Variants in CNTNAP2 observed in about 807,000 individuals in gnomAD.
CNTNAP2 encodes the protein contactin-associated protein-like 2.
CNTNAP2 carries 98 observed loss-of-function variants against 155.2 expected under a neutral mutation model. The ratio of observed to expected loss-of-function variants is 0.63; its 90% CI spans 0.54 to 0.75. The LOEUF is 0.75. Among genes scored for constraint, CNTNAP2 ranks in the 30% least tolerant of loss-of-function variants. The probability of loss-of-function intolerance (pLI) is 0.00; values close to 1 mark genes in which losing one functional copy is unlikely to be tolerated. For missense variants in CNTNAP2, 1,727 were observed against 1,688.1 expected (o/e 1.02, Z -0.40); for synonymous variants, 651 against 631.2 (o/e 1.03, Z -0.47).
intron 1 of CNTNAP2, among the ~76,000 whole-genome samples, chr7:146,219,161 C>G (rs1799165555): frequency 6.6e-6 from 1 of 152,104 alleles, no homozygotes; most frequent in Non-Finnish European, 1.5e-5. Context: ...AGAAGTCACT[C>G]ACTATCATGA....
chr7:148,361,805 C>T (rs558161932), intron 21 of CNTNAP2, among the ~76,000 whole-genome samples: 1 of 152,284 alleles, frequency 6.6e-6, no homozygotes, highest in African/African-American at 2.4e-5. Flanking sequence ...GGGGAGTCCT[C>T]AGGAAACATA....
intron 4 of CNTNAP2, among the ~76,000 whole-genome samples, chr7:147,085,318 C>A (rs766241602): frequency 6.6e-6 from 1 of 152,140 alleles, no homozygotes; most frequent in Non-Finnish European, 1.5e-5. Flanking sequence ...GGAACCCGGC[C>A]ACAGCATCAG....
intron 3 of CNTNAP2, among the ~76,000 whole-genome samples, chr7:146,933,416 A>T (rs1796828271): frequency 6.6e-6 from 1 of 151,412 alleles, no homozygotes; most frequent in Non-Finnish European, 1.5e-5. Flanking sequence ...ACCCTTCCTT[A>T]TACCTTATAC....
chr7:147,240,962 G>A (rs1244030360), intron 8 of CNTNAP2, among the ~76,000 whole-genome samples: 1 of 152,246 alleles, frequency 6.6e-6, no homozygotes. Flanking sequence ...AGTGTCATCT[G>A]TTTTCTCGAT....
chr7:147,310,414 A>G (rs1427718523), intron 9 of CNTNAP2, among the ~76,000 whole-genome samples: 1 of 152,192 alleles, frequency 6.6e-6, no homozygotes, highest in African/African-American at 2.4e-5. Context: ...TGATTAGCCT[A>G]AAAGAACATC....
chr7:147,445,152 C>G (rs940304602), intron 10 of CNTNAP2, among the ~76,000 whole-genome samples: 1 of 152,152 alleles, frequency 6.6e-6, no homozygotes, highest in Non-Finnish European at 1.5e-5. Flanking sequence ...GACACAAAGT[C>G]AAACCATATC....
At chr7:147,101,474 A>C (rs35004924) in intron 4 of CNTNAP2, among the ~76,000 whole-genome samples, 29,473 of 152,054 alleles carry the variant, frequency 0.19, 3,877 homozygotes, top group Non-Finnish European at 0.29. Flanking sequence ...CCATCTGTGG[A>C]TGGTTAAGTG....
chr7:146,448,210 A>G (rs1796429146), intron 1 of CNTNAP2, among the ~76,000 whole-genome samples: 2 of 152,022 alleles, frequency 1.3e-5, no homozygotes, highest in Admixed American at 1.3e-4. Flanking sequence ...TGCCTCAGAA[A>G]TCGATTGTCA....
intron 18 of CNTNAP2, among the ~76,000 whole-genome samples, chr7:148,201,885 G>A (rs529898178): frequency 4.6e-5 from 7 of 152,026 alleles, no homozygotes; most frequent in Non-Finnish European, 7.4e-5. Context: ...CAAAAGAAAT[G>A]GCAATACACA....
At chr7:147,215,978 G>A (rs1375624249) in intron 8 of CNTNAP2, among the ~76,000 whole-genome samples, 1 of 151,998 alleles carries the variant, frequency 6.6e-6, no homozygotes, top group Non-Finnish European at 1.5e-5. Context: ...TTTGCCATCT[G>A]TAAATATTTT....
chr7:147,460,463 A>T (rs1798003425), intron 10 of CNTNAP2, among the ~76,000 whole-genome samples: 1 of 152,182 alleles, frequency 6.6e-6, no homozygotes, highest in Non-Finnish European at 1.5e-5. Context: ...TTTATAAAGA[A>T]ATCCTGCTTT....
chr7:147,294,408 T>C (rs544766341), intron 8 of CNTNAP2, among the ~76,000 whole-genome samples: 2 of 152,350 alleles, frequency 1.3e-5, no homozygotes, highest in South Asian at 4.1e-4. Context: ...TACACATTTC[T>C]GTAGAACAAA....
intron 8 of CNTNAP2, among the ~76,000 whole-genome samples, chr7:147,178,467 G>T (rs1247377175): frequency 6.6e-6 from 1 of 152,174 alleles, no homozygotes; most frequent in Non-Finnish European, 1.5e-5. Context: ...ACTTTTGCTG[G>T]ACCTCTGACC....
At chr7:147,107,522 C>A (rs1191156484) in intron 4 of CNTNAP2, among the ~76,000 whole-genome samples, 1 of 152,050 alleles carries the variant, frequency 6.6e-6, no homozygotes, top group African/African-American at 2.4e-5. Context: ...ATTCTCCATT[C>A]CAAATGCAAG....
intron 1 of CNTNAP2, among the ~76,000 whole-genome samples, chr7:146,495,352 C>A (rs149868953): frequency 4.6e-5 from 7 of 152,204 alleles, no homozygotes; most frequent in Non-Finnish European, 2.9e-5. Flanking sequence ...AGAATAGAGA[C>A]AATAAAAATT....
chr7:146,456,161 A>C (rs1449998330), intron 1 of CNTNAP2, among the ~76,000 whole-genome samples: 4 of 152,200 alleles, frequency 2.6e-5, no homozygotes, highest in Non-Finnish European at 5.9e-5. Flanking sequence ...GTGTCAGATT[A>C]AATGTGAATT....
At position 147,775,271 on chromosome 7, in the gene CNTNAP2, ATATATATTTATAAATATATATATT is replaced by A. The variant is rs1563084369; in HGVS notation, c.2099-128286_2099-128263del. On this transcript the variant is annotated intron_variant, in intron 13 of 23. Transcript: ENST00000361727. ...TATATATATTTATAAATATATTTAT[ATATATATTTATAAATATATATATT>A]TATATATATTTATAAATATATATAT... is the stretch of plus-strand genomic sequence containing the variant. Among the ~76,000 whole-genome samples, 41 of 102,706 alleles carry A rather than the reference ATATATATTTATAAATATATATATT, an allele frequency of 4.0e-4. 1 individual carries two copies. Among genetic ancestry groups the A allele is most frequent in the African/African-American group, 8.2e-4 (22 of 26,848 alleles). 67.4% of individuals were successfully genotyped at this position (102,706 alleles called of 152,430 possible).
intron 1 of CNTNAP2, among the ~76,000 whole-genome samples, chr7:146,608,397 C>T (rs1799081537): frequency 6.6e-6 from 1 of 152,196 alleles, no homozygotes; most frequent in South Asian, 2.1e-4. Context: ...CGTGAATAAA[C>T]AAGTTTAATT....
At chr7:148,153,945 A>T (rs558175858) in intron 17 of CNTNAP2, among the ~76,000 whole-genome samples, 1 of 152,200 alleles carries the variant, frequency 6.6e-6, no homozygotes, top group Non-Finnish European at 1.5e-5. Flanking sequence ...AAGGGAGGAG[A>T]TCAGAGTTAC....
Sources: gnomAD v4.1 joint callset for allele counts (sites outside exome capture counted in the v4.1 genomes callset) on GRCh38, gnomAD v4.1.1 for gene constraint, MANE v1.5 for transcripts, NCBI Gene and HGNC (gene_info 2026-07-23, HGNC 2026-07-21) for gene names.